Variants in TATDN3 observed in about 807,000 individuals in gnomAD.
TATDN3 encodes the protein deoxyribonuclease TATDN3.
A neutral mutation model predicts 40.1 loss-of-function variants in TATDN3; 29 were observed. That is an observed-to-expected ratio of 0.72 (90% CI 0.54 to 0.99). TATDN3 has a LOEUF of 0.99. Among genes scored for constraint, TATDN3 ranks in the 50% least tolerant of loss-of-function variants. TATDN3 has a pLI of 0.00. For synonymous variants in TATDN3, 105 were observed against 117.0 expected, an observed-to-expected ratio of 0.90 and a Z score of 0.66; for missense variants, 309 against 321.9, an observed-to-expected ratio of 0.96 and a Z score of 0.31.
intron 4 of TATDN3, among the ~76,000 whole-genome samples, chr1:212,798,536 C>CAAAAAAAAAACAA (rs1661960404): frequency 1.1e-5 from 1 of 91,320 alleles, no homozygotes; most frequent in Non-Finnish European, 2.1e-5. Context: ...CTCAAAAACT[C>CAAAAAAAAAACAA]AAAAAAAAAA....
chr1:212,807,210 G>A (rs186055508), intron 7 of TATDN3, among the ~76,000 whole-genome samples: 1 of 151,906 alleles, frequency 6.6e-6, no homozygotes, highest in East Asian at 1.9e-4. Context: ...CTCCCAAAGT[G>A]CTGGGATTAC....
chr1:212,812,717 GGT>G (rs1322776246), intron 9 of TATDN3, among the ~76,000 whole-genome samples: 4 of 152,064 alleles, frequency 2.6e-5, no homozygotes, highest in Non-Finnish European at 5.9e-5. Context: ...AAAAGATTAT[GGT>G]GGGCTGGGCA....
rs1661852807 is a variant in TATDN3, at chr1:212,797,393, CAAAG to C, written c.258+198_258+201del. 1.1e-5 allele frequency: 6 copies of C among 544,686 alleles called. No individual in the cohort carries two copies. The South Asian group carries it at 1.5e-4, about 13-fold the overall frequency. 33.7% of individuals were successfully genotyped at this position (544,686 alleles called of 1,614,324 possible). On this transcript the variant is annotated intron_variant, in intron 4 of 9. Coordinates refer to ENST00000366974, the MANE Select transcript of TATDN3 (RefSeq NM_001042552.3). ...TAGAAACAGCCTAGAGGTTCAGAAA[CAAAG>C]GAATCATTAGTTAAGTTGTAGAGTG...
chr1:212,807,736 G>GT lies in TATDN3; in HGVS notation c.489dup (p.Ala164CysfsTer2). The GT allele has an allele frequency of 6.2e-7, 1 of 1,606,510 alleles. No individual in the cohort carries two copies. On this transcript the variant is annotated frameshift_variant and splice_region_variant, in exon 8 of 10. Transcript: ENST00000366974. LOFTEE classifies it high-confidence loss of function. ...CTGCCTTATCTTTCATTTTTGAAAGGTGCTGAGAAGGTACTGCTGCATGCA... is the reference window on the plus strand; with the variant it reads ...CTGCCTTATCTTTCATTTTTGAAAGGTTGCTGAGAAGGTACTGCTGCATGCA...
chr1:212,796,094 A>C (rs1015515619), intron 2 of TATDN3, among the ~76,000 whole-genome samples: 2 of 152,334 alleles, frequency 1.3e-5, no homozygotes, highest in South Asian at 4.1e-4. Flanking sequence ...GGAAGTGTTT[A>C]TGAAATTCAT....
intron 7 of TATDN3, among the ~76,000 whole-genome samples, chr1:212,805,736 A>G (rs561160271): frequency 6.6e-6 from 1 of 151,754 alleles, no homozygotes; most frequent in African/African-American, 2.4e-5. Context: ...ATACATACAC[A>G]CTCTCTTCTT....
intron 9 of TATDN3, among the ~76,000 whole-genome samples, chr1:212,812,942 G>C (rs1181829675): frequency 6.6e-6 from 1 of 152,114 alleles, no homozygotes; most frequent in Non-Finnish European, 1.5e-5. Flanking sequence ...GGGAGGTGGA[G>C]GTTGCAGTGA....
chr1:212,802,058 A>G (rs1467356918), intron 4 of TATDN3, among the ~76,000 whole-genome samples: 3 of 152,160 alleles, frequency 2.0e-5, no homozygotes, highest in Non-Finnish European at 4.4e-5. Flanking sequence ...TTTTCCATAT[A>G]TTTATTTTCC....
chr1:212,810,493 C>T (rs2102479033), intron 8 of TATDN3, among the ~76,000 whole-genome samples: 1 of 116,300 alleles, frequency 8.6e-6, no homozygotes, highest in South Asian at 2.9e-4. Context: ...GCCTGGGTGA[C>T]AGAGCGAGAC....
intron 4 of TATDN3, among the ~76,000 whole-genome samples, chr1:212,801,444 C>T (rs1662173107): frequency 6.6e-6 from 1 of 152,126 alleles, no homozygotes; most frequent in Middle Eastern, 3.2e-3. Context: ...CTGAAAGCTT[C>T]CAGATCTATT....
At chr1:212,807,462 A>G (rs1662611376) in intron 7 of TATDN3, among the ~76,000 whole-genome samples, 1 of 152,034 alleles carries the variant, frequency 6.6e-6, no homozygotes, top group South Asian at 2.1e-4. Flanking sequence ...CATGTTGGCC[A>G]GGCTGGTTTC....
chr1:212,809,441 T>G (rs984157733), intron 8 of TATDN3, among the ~76,000 whole-genome samples: 1 of 152,090 alleles, frequency 6.6e-6, no homozygotes, highest in Non-Finnish European at 1.5e-5. Context: ...TCCCAGCACT[T>G]TGGGAGGCCG....
At chr1:212,810,175 G>A (rs12737398) in intron 8 of TATDN3, among the ~76,000 whole-genome samples, 62,731 of 151,852 alleles carry the variant, frequency 0.41, 14,310 homozygotes, top group Non-Finnish European at 0.51. Flanking sequence ...AACAGCCTAG[G>A]CAATATGGCG....
At chr1:212,797,082 C>T (rs1245915140) in intron 3 of TATDN3, 30 bp from the exon 4 acceptor site, 2 of 1,555,210 alleles carry the variant, frequency 1.3e-6, no homozygotes, top group African/African-American at 2.7e-5. Context: ...TCTACTGTTC[C>T]TGCTTTCTCA....
rs1311664003 is a variant in TATDN3 at position 212,806,772 on chromosome 1, A to ATG, written c.488-963_488-962insGT. Among the ~76,000 whole-genome samples, 4 of 118,834 alleles carry ATG rather than the reference A, an allele frequency of 3.4e-5. 2 individuals are homozygous for ATG. The highest frequency in any genetic ancestry group is 5.3e-4 in the East Asian group (2 of 3,786). 78.0% of individuals were successfully genotyped at this position (118,834 alleles called of 152,430 possible). A position where few individuals can be genotyped will look rare whatever the true frequency, so the allele number is the denominator to read the frequency against. ...CATATATATATATATATATATATATATATATATATATACACACACACACAC... is the reference window on the plus strand; with the variant it reads ...CATATATATATATATATATATATATATGTATATATATATACACACACACACAC... On this transcript the variant is annotated intron_variant, in intron 7 of 9. Transcript: ENST00000366974.
At chr1:212,792,053 T>G in intron 1 of TATDN3, 66 bp downstream of exon 1, 1 of 1,518,634 alleles carries the variant, frequency 6.6e-7, no homozygotes, top group Non-Finnish European at 9.1e-7. Context: ...TCGTGTTATC[T>G]TTGCTCTCCT....
chr1:212,804,726 C>G, intron 7 of TATDN3, 75 bp downstream of exon 7: 1 of 1,350,702 alleles, frequency 7.4e-7, no homozygotes, highest in Non-Finnish European at 1.0e-6. Context: ...ATAAAGCAAG[C>G]CATGTTTTAA....
At chr1:212,798,975 G>C (rs1456718679) in intron 4 of TATDN3, among the ~76,000 whole-genome samples, 1 of 152,230 alleles carries the variant, frequency 6.6e-6, no homozygotes, top group Non-Finnish European at 1.5e-5. Context: ...ATCAAGGAAG[G>C]ACTCTGGTAG....
chr1:212,814,991 G>A, intron 9 of TATDN3, 22 bp from the exon 10 acceptor site: 3 of 1,603,046 alleles, frequency 1.9e-6, no homozygotes, highest in African/African-American at 1.3e-5. Flanking sequence ...TGTTTGACAT[G>A]GTGTCTGCTG....
Sources: allele counts gnomAD v4.1 joint callset (sites outside exome capture counted in the v4.1 genomes callset), GRCh38; gene constraint gnomAD v4.1.1; transcripts MANE v1.5; gene names NCBI Gene and HGNC (gene_info 2026-07-23, HGNC 2026-07-21).